The following STX8 variants were observed in gnomAD, a reference collection of about 807,000 sequenced individuals.
STX8 encodes syntaxin-8.
A neutral mutation model predicts 37.5 loss-of-function variants in STX8; 23 were observed. That is an observed-to-expected ratio of 0.61 (90% CI 0.44 to 0.87). STX8 has a LOEUF of 0.87. STX8 is among the 40% of genes least tolerant of loss of function. The pLI, the probability that STX8 is intolerant of heterozygous loss-of-function variation, is 0.00. For synonymous variants in STX8, 115 were observed against 99.1 expected, an observed-to-expected ratio of 1.16 and a Z score of -0.95; for missense variants, 313 against 284.7, an observed-to-expected ratio of 1.10 and a Z score of -0.71.
intron 7 of STX8, among the ~76,000 whole-genome samples, chr17:9,272,002 T>C (rs1907483942): frequency 6.6e-6 from 1 of 152,194 alleles, no homozygotes; most frequent in Non-Finnish European, 1.5e-5. Context: ...ACCCAGTGAC[T>C]GTCCCTGCTG....
intron 7 of STX8, among the ~76,000 whole-genome samples, chr17:9,315,094 C>G (rs1909335684): frequency 1.3e-5 from 1 of 75,922 alleles, no homozygotes; most frequent in Non-Finnish European, 2.7e-5. Context: ...ACGTGAGACT[C>G]TGTCTCAAAA....
intron 7 of STX8, among the ~76,000 whole-genome samples, chr17:9,302,007 A>G (rs1908806165): frequency 6.6e-6 from 1 of 152,182 alleles, no homozygotes; most frequent in Non-Finnish European, 1.5e-5. Flanking sequence ...TAACATAGAA[A>G]TTATTTTTCC....
At chr17:9,376,232 G>A (rs1282492675) in intron 7 of STX8, among the ~76,000 whole-genome samples, 2 of 151,756 alleles carry the variant, frequency 1.3e-5, no homozygotes, top group East Asian at 1.9e-4. Flanking sequence ...GTTTGAAAAC[G>A]CACCAATCAG....
At chr17:9,343,017 T>TAAAAA (rs1910418021) in intron 7 of STX8, among the ~76,000 whole-genome samples, 1 of 25,708 alleles carries the variant, frequency 3.9e-5, no homozygotes, top group African/African-American at 1.8e-4. Flanking sequence ...TGAAACTGTC[T>TAAAAA]CAAAAAAAAA....
At chr17:9,536,567 C>T (rs1307326047) in intron 4 of STX8, among the ~76,000 whole-genome samples, 1 of 152,110 alleles carries the variant, frequency 6.6e-6, no homozygotes, top group East Asian at 1.9e-4. Context: ...ATAAGCACAA[C>T]CTGCTTTTCC....
In STX8 at chr17:9,378,662, G is replaced by A. The variant is rs781444392; in HGVS notation, c.542-9C>T. On this transcript the variant is annotated splice_polypyrimidine_tract_variant and intron_variant, in intron 6 of 7. Transcript: ENST00000306357. ...AAGGTCGTCAATTATCTCTAGAAAG[G>A]AAACATACATGATTACTATTCCTGA... The A allele has an allele frequency of 1.0e-5, 16 of 1,601,058 alleles. No individual in the cohort carries two copies. The South Asian group carries it at 1.8e-4, about 18-fold the overall frequency.
At chr17:9,324,330 A>G (rs1258920904) in intron 7 of STX8, among the ~76,000 whole-genome samples, 1 of 152,108 alleles carries the variant, frequency 6.6e-6, no homozygotes, top group Non-Finnish European at 1.5e-5. Flanking sequence ...AAATTGAGTG[A>G]GTGGTCTTTT....
At chr17:9,256,239 C>T (rs923927737) in intron 7 of STX8, among the ~76,000 whole-genome samples, 1 of 151,906 alleles carries the variant, frequency 6.6e-6, no homozygotes, top group Non-Finnish European at 1.5e-5. Flanking sequence ...GACCCCTCTG[C>T]CCACACGCTC....
intron 7 of STX8, among the ~76,000 whole-genome samples, chr17:9,274,774 C>T (rs1347730178): frequency 2.8e-4 from 22 of 77,390 alleles, no homozygotes; most frequent in Non-Finnish European, 5.1e-4. Context: ...TTTTTTGAGA[C>T]GGAGTCTCGC....
chr17:9,364,369 T>C (rs370185492), intron 7 of STX8, among the ~76,000 whole-genome samples: 1 of 152,176 alleles, frequency 6.6e-6, no homozygotes, highest in African/African-American at 2.4e-5. Flanking sequence ...AAGTCATTTA[T>C]TGAAAATACT....
chr17:9,343,149 A>C (rs1353270061), intron 7 of STX8, among the ~76,000 whole-genome samples: 1 of 152,164 alleles, frequency 6.6e-6, no homozygotes, highest in Non-Finnish European at 1.5e-5. Flanking sequence ...CACAAAACCC[A>C]GAAATGCTTC....
chr17:9,302,259 T>G (rs559947434), intron 7 of STX8, among the ~76,000 whole-genome samples: 1 of 152,342 alleles, frequency 6.6e-6, no homozygotes, highest in South Asian at 2.1e-4. Context: ...TATATACCCC[T>G]TCTCATCCTT....
intron 7 of STX8, chr17:9,377,867 CATTT>C (rs1567803636): frequency 6.6e-6 from 1 of 152,218 alleles, no homozygotes; most frequent in African/African-American, 2.4e-5. Flanking sequence ...CTATTCCCAT[CATTT>C]ATCATCACGT....
At chr17:9,352,081 A>AT (rs1447316537) in intron 7 of STX8, among the ~76,000 whole-genome samples, 1 of 150,008 alleles carries the variant, frequency 6.7e-6, no homozygotes, top group African/African-American at 2.4e-5. Context: ...AGCCTGGAAG[A>AT]TGGAGGGCTT....
At chr17:9,520,608 A>G (rs1344230080) in intron 4 of STX8, among the ~76,000 whole-genome samples, 1 of 152,246 alleles carries the variant, frequency 6.6e-6, no homozygotes, top group Non-Finnish European at 1.5e-5. Flanking sequence ...AAAGTTTCAC[A>G]ATCACTTCTA....
intron 6 of STX8, among the ~76,000 whole-genome samples, chr17:9,466,680 G>C (rs932689391): frequency 2.0e-5 from 3 of 152,084 alleles, no homozygotes; most frequent in Admixed American, 6.6e-5. Context: ...AGTGACATAG[G>C]CCTGTGTCCA....
chr17:9,566,323 C>T (rs138232093), intron 2 of STX8, among the ~76,000 whole-genome samples: 49 of 152,266 alleles, frequency 3.2e-4, no homozygotes, highest in African/African-American at 1.1e-3. Flanking sequence ...CGGGAGGTTG[C>T]AGAGCAAAAG....
chr17:9,384,569 C>T (rs528686238), intron 6 of STX8, among the ~76,000 whole-genome samples: 4 of 151,966 alleles, frequency 2.6e-5, no homozygotes, highest in South Asian at 2.1e-4. Context: ...ACCCGGGAGG[C>T]GGAGCTTGCA....
chr17:9,337,300 T>A (rs1345355508), intron 7 of STX8, among the ~76,000 whole-genome samples: 1 of 152,222 alleles, frequency 6.6e-6, no homozygotes, highest in Non-Finnish European at 1.5e-5. Context: ...TATTTCAATG[T>A]CCATACTGGG....
Sources: allele counts gnomAD v4.1 joint callset (sites outside exome capture counted in the v4.1 genomes callset), GRCh38; gene constraint gnomAD v4.1.1; transcripts MANE v1.5; gene names NCBI Gene and HGNC (gene_info 2026-07-23, HGNC 2026-07-21).